Variants in NADK2 observed in about 807,000 individuals in gnomAD.
NADK2 encodes NAD kinase 2, mitochondrial, also known as NAD kinase domain-containing protein 1, mitochondrial.
Under a neutral mutation model 62.1 loss-of-function variants are expected in NADK2, and 35 were observed. The ratio of observed to expected loss-of-function variants is 0.56; its 90% CI spans 0.43 to 0.75. The LOEUF (loss-of-function observed/expected upper bound fraction) is 0.75, where lower values mean the gene tolerates loss of function less well. NADK2 is among the 30% of genes least tolerant of loss of function. NADK2 has a pLI of 0.00. For missense variants in NADK2, 439 were observed against 561.3 expected (o/e 0.78, Z 2.20); for synonymous variants, 205 against 207.9 (o/e 0.99, Z 0.12).
intron 8 of NADK2, among the ~76,000 whole-genome samples, chr5:36,203,005 A>G (rs1746502119): frequency 6.6e-6 from 1 of 152,100 alleles, no homozygotes; most frequent in African/African-American, 2.4e-5. Context: ...CCATACAAGA[A>G]AAAAAGCCCC....
chr5:36,227,274 A>T (rs1483212807), intron 2 of NADK2, among the ~76,000 whole-genome samples: 2 of 152,202 alleles, frequency 1.3e-5, no homozygotes, highest in African/African-American at 4.8e-5. Flanking sequence ...ATAATTGAAA[A>T]CACCTGTGAC....
In NADK2 at chr5:36,194,301, C is replaced by T. The variant is rs752545465; in HGVS notation, c.*843G>A. 5.3e-5 allele frequency: 8 copies of T among 152,094 alleles called. No homozygotes were observed. Among genetic ancestry groups the T allele is most frequent in the Non-Finnish European group, 1.5e-5 (1 of 68,004 alleles). 9.4% of individuals were successfully genotyped at this position (152,094 alleles called of 1,614,324 possible). A position where few individuals can be genotyped will look rare whatever the true frequency, so the allele number is the denominator to read the frequency against. On this transcript the variant is annotated 3_prime_UTR_variant, in exon 12 of 12. Transcript: ENST00000381937. ...CCTAACACAGGTGAAGATATTTTTA[C>T]AATATTTTACCAAACTCCTAATAGA...
Position 36,241,425 on chromosome 5 carries a change from C to A in NADK2, c.300+74G>T. 1.4e-6 allele frequency: 2 copies of A among 1,442,530 alleles called. No homozygotes were observed. Among genetic ancestry groups the A allele is most frequent in the Non-Finnish European group, 1.8e-6 (2 of 1,101,028 alleles). The allele number at this position is 1,442,530 out of a possible 1,614,324, so 89.4% of individuals were successfully genotyped here. A position where few individuals can be genotyped will look rare whatever the true frequency, so the allele number is the denominator to read the frequency against. On this transcript the variant is annotated intron_variant, in intron 1 of 11. Transcript: ENST00000381937. The surrounding 1 kb of genome is among the most constrained non-coding windows in gnomAD (Gnocchi z 4.9). ...CTGGGAAGAGTCGTCCCGAGAGGTC[C>A]CCCCGAGGGGGCGCAGCCGCCACCA...
intron 6 of NADK2, among the ~76,000 whole-genome samples, chr5:36,213,618 C>CATATATATATATATAT (rs58371779): frequency 0.1 from 10,913 of 107,382 alleles, 841 homozygotes; most frequent in African/African-American, 0.14. Flanking sequence ...TATATGCATG[C>CATATATATATATATAT]ATATATATAT....
intron 7 of NADK2, among the ~76,000 whole-genome samples, chr5:36,210,332 C>T (rs1329750053): frequency 6.6e-6 from 1 of 152,128 alleles, no homozygotes; most frequent in Non-Finnish European, 1.5e-5. Flanking sequence ...TAATGTAAGC[C>T]TAAGTTATAT....
chr5:36,233,875 T>C (rs978585307), intron 1 of NADK2, among the ~76,000 whole-genome samples: 5 of 152,186 alleles, frequency 3.3e-5, no homozygotes, highest in African/African-American at 1.2e-4. Flanking sequence ...TATTTTTCAA[T>C]ATTTAATTCA....
intron 10 of NADK2, among the ~76,000 whole-genome samples, chr5:36,199,571 G>GT (rs931148422): frequency 2.8e-4 from 43 of 152,104 alleles, no homozygotes; most frequent in African/African-American, 9.9e-4. Context: ...AAATGAATGT[G>GT]TTTTTCAGTT....
intron 1 of NADK2, among the ~76,000 whole-genome samples, chr5:36,228,313 C>T (rs1258277424): frequency 6.6e-6 from 1 of 152,026 alleles, no homozygotes; most frequent in Non-Finnish European, 1.5e-5. Context: ...TAGTGAACAC[C>T]CATTTAATCA....
chr5:36,241,799 C>A lies in NADK2; in HGVS notation c.-1G>T, dbSNP rs1312690211. ...GCAAGAAGCCTCGGTAGCAAGTCATCGTGGGCCGGGCCGCGGCCGCGGGCT... is the reference window on the plus strand; with the variant it reads ...GCAAGAAGCCTCGGTAGCAAGTCATAGTGGGCCGGGCCGCGGCCGCGGGCT... On this transcript the variant is annotated 5_prime_UTR_variant, in exon 1 of 12. Coordinates refer to ENST00000381937, the MANE Select transcript of NADK2 (RefSeq NM_001085411.3). This position sits in a 1 kb window ranked among gnomAD's most constrained non-coding sequence, Gnocchi z 4.9. 1 of 1,324,254 alleles carries A rather than the reference C, an allele frequency of 7.6e-7. No individual in the cohort carries two copies. The highest frequency in any genetic ancestry group is 9.7e-7 in the Non-Finnish European group (1 of 1,036,090). 82.0% of individuals were successfully genotyped at this position (1,324,254 alleles called of 1,614,324 possible). A position where few individuals can be genotyped will look rare whatever the true frequency, so the allele number is the denominator to read the frequency against.
rs184294708 is a variant in NADK2, at chr5:36,218,214, T to C, written c.645-330A>G. 681 of 170,312 alleles carry C rather than the reference T, an allele frequency of 4.0e-3. 6 individuals carry two copies. The highest frequency in any genetic ancestry group is 6.0e-3 in the Non-Finnish European group (474 of 79,532). The allele number at this position is 170,312 out of a possible 1,614,324, so 10.6% of individuals were successfully genotyped here. On this transcript the variant is annotated intron_variant, in intron 5 of 11. Transcript: ENST00000381937. ...GTGCTTTGCTCAGCAAAAAATATTA[T>C]ACAAAAAGGAAAGCATTCTTAAATT...
chr5:36,211,450 G>A (rs1231154955), intron 7 of NADK2, among the ~76,000 whole-genome samples: 1 of 151,926 alleles, frequency 6.6e-6, no homozygotes, highest in East Asian at 1.9e-4. Context: ...AGCTACTCGG[G>A]AGGCTGAGGC....
At chr5:36,230,286 G>A (rs116624330) in intron 1 of NADK2, among the ~76,000 whole-genome samples, 127 of 152,284 alleles carry the variant, frequency 8.3e-4, no homozygotes, top group African/African-American at 3.0e-3. Flanking sequence ...TGTACTTGCT[G>A]GAATGCTTTC....
At chr5:36,209,043 C>T (rs1424133266) in intron 7 of NADK2, among the ~76,000 whole-genome samples, 1 of 152,132 alleles carries the variant, frequency 6.6e-6, no homozygotes, top group East Asian at 1.9e-4. Flanking sequence ...ACACAGCAGG[C>T]ATCCAATAAA....
chr5:36,208,474 G>C, intron 7 of NADK2: 1 of 598,688 alleles, frequency 1.7e-6, no homozygotes, highest in Non-Finnish European at 2.9e-6. Context: ...GAGGCAGAGA[G>C]AAAGACAAGT....
chr5:36,235,069 T>C (rs112023248), intron 1 of NADK2, among the ~76,000 whole-genome samples: 1 of 152,186 alleles, frequency 6.6e-6, no homozygotes, highest in African/African-American at 2.4e-5. Flanking sequence ...TATTTAAAAG[T>C]GACACTTTAA....
intron 5 of NADK2, chr5:36,218,181 T>C (rs1456880145): frequency 4.6e-6 from 1 of 218,544 alleles, no homozygotes; most frequent in South Asian, 1.1e-4. Flanking sequence ...CTGAGCTAGA[T>C]ATAGCTTGTG....
At chr5:36,236,417 T>C (rs1166565003) in intron 1 of NADK2, among the ~76,000 whole-genome samples, 1 of 152,246 alleles carries the variant, frequency 6.6e-6, no homozygotes, top group African/African-American at 2.4e-5. Context: ...AAGAATCCCA[T>C]AGTCAAATAA....
intron 6 of NADK2, among the ~76,000 whole-genome samples, chr5:36,216,230 T>C (rs1186680441): frequency 2.0e-5 from 3 of 152,200 alleles, no homozygotes; most frequent in Admixed American, 6.5e-5. Context: ...GTCATCTGTA[T>C]GTCTTTTGAG....
chr5:36,221,343 C>A, intron 4 of NADK2: 1 of 152,522 alleles, frequency 6.6e-6, no homozygotes, highest in Non-Finnish European at 1.5e-5. Context: ...ATCTACTTAT[C>A]CTCAGGAGAG....
Sources: gnomAD v4.1 joint callset for allele counts (sites outside exome capture counted in the v4.1 genomes callset) on GRCh38, gnomAD v4.1.1 for gene constraint, Gnocchi (gnomAD v3.1) non-coding constraint, MANE v1.5 for transcripts, NCBI Gene and HGNC (gene_info 2026-07-23, HGNC 2026-07-21) for gene names.